Variants in STARD13 observed in about 807,000 individuals in gnomAD.
STARD13 encodes the protein stAR-related lipid transfer protein 13.
A neutral mutation model predicts 106.4 loss-of-function variants in STARD13; 62 were observed. The observed-to-expected ratio is 0.58, with a 90% confidence interval of 0.48 to 0.72. The LOEUF (loss-of-function observed/expected upper bound fraction) is 0.72. Among genes scored for constraint, STARD13 ranks in the 30% least tolerant of loss-of-function variants. The pLI is 0.00. For missense variants in STARD13, 1,387 were observed against 1,424.0 expected, an observed-to-expected ratio of 0.97 and a Z score of 0.42; for synonymous variants, 565 against 553.0, an observed-to-expected ratio of 1.02 and a Z score of -0.31.
chr13:33,665,418 A>G, the STARD13 span, among the ~76,000 whole-genome samples: 5 of 152,240 alleles, frequency 3.3e-5, no homozygotes, highest in African/African-American at 1.2e-4. Context: ...ATACACAGAT[A>G]TTTAATCTTG....
the STARD13 span, among the ~76,000 whole-genome samples, chr13:33,591,984 G>A: frequency 1.4e-3 from 215 of 152,068 alleles, 1 homozygote; most frequent in Non-Finnish European, 9.6e-4. Context: ...TTGTATGCCC[G>A]CAGCACTAAT....
intron 4 of STARD13, among the ~76,000 whole-genome samples, chr13:33,140,752 ACTTT>A (rs1325773260): frequency 6.7e-6 from 1 of 149,916 alleles, no homozygotes; most frequent in Non-Finnish European, 1.5e-5. Flanking sequence ...GGATAAAAAC[ACTTT>A]CTTTTCTTTC....
the STARD13 span, among the ~76,000 whole-genome samples, chr13:33,531,913 C>T: frequency 6.6e-6 from 1 of 152,086 alleles, no homozygotes; most frequent in South Asian, 2.1e-4. Flanking sequence ...ACTTAATAGT[C>T]TCAAAATAAC....
intron 1 of STARD13, among the ~76,000 whole-genome samples, chr13:33,326,984 T>G (rs2077783000): frequency 6.6e-6 from 1 of 152,244 alleles, no homozygotes; most frequent in Non-Finnish European, 1.5e-5. Context: ...CTATGAAAAC[T>G]GAGCATAATT....
intron 3 of STARD13, among the ~76,000 whole-genome samples, chr13:33,143,841 G>A (rs989050204): frequency 7.2e-5 from 11 of 152,136 alleles, no homozygotes; most frequent in East Asian, 3.9e-4. Context: ...GTGAGCCACC[G>A]CGCCCAGCTT....
the STARD13 span, among the ~76,000 whole-genome samples, chr13:33,443,801 T>C: frequency 7.9e-5 from 12 of 151,046 alleles, no homozygotes; most frequent in East Asian, 2.0e-3. Context: ...GGAGAATCAT[T>C]TGGACCCAGG....
In STARD13 at chr13:33,106,239, G is replaced by A. The variant is rs116416679; in HGVS notation, c.3224+519C>T. On this transcript the variant is annotated intron_variant, in intron 13 of 13. Coordinates refer to ENST00000336934, the MANE Select transcript of STARD13 (RefSeq NM_178006.4). ...GATTGAGACCAGCCTGGCCAACATG[G>A]CGAGGCCCTGTCTCTACAAAAACAT... Among the ~76,000 whole-genome samples the A allele has an allele frequency of 4.2e-3, 642 of 152,294 alleles. 2 individuals carry two copies. Among genetic ancestry groups the A allele is most frequent in the African/African-American group, 0.014 (575 of 41,556 alleles).
the STARD13 span, among the ~76,000 whole-genome samples, chr13:33,650,000 C>G: frequency 1.3e-5 from 2 of 151,922 alleles, no homozygotes; most frequent in Admixed American, 1.3e-4. Flanking sequence ...TTTCCTGGCT[C>G]ACAGGAATTA....
intron 1 of STARD13, among the ~76,000 whole-genome samples, chr13:33,225,303 T>A (rs1264285005): frequency 6.6e-6 from 1 of 152,214 alleles, no homozygotes; most frequent in Non-Finnish European, 1.5e-5. Flanking sequence ...TGCAGGGTCT[T>A]TGAGCCAGAC....
At chr13:33,120,140 G>A (rs569567090) in intron 7 of STARD13, among the ~76,000 whole-genome samples, 141 of 152,354 alleles carry the variant, frequency 9.3e-4, no homozygotes, top group African/African-American at 3.2e-3. Flanking sequence ...ATCCTCATAT[G>A]AGCAGGTATT....
the STARD13 span, among the ~76,000 whole-genome samples, chr13:33,466,556 A>G: frequency 6.6e-6 from 1 of 152,216 alleles, no homozygotes; most frequent in Non-Finnish European, 1.5e-5. Context: ...CTAGACAGTA[A>G]TTAGAAAGTA....
chr13:33,105,837 C>G (rs894057743), intron 13 of STARD13, 127 bp from the exon 14 acceptor site: 3 of 747,598 alleles, frequency 4.0e-6, no homozygotes, highest in Non-Finnish European at 7.2e-6. Context: ...CGGGCTGCTG[C>G]CTTGAGGGGC....
At chr13:33,400,963 C>T in the STARD13 span, among the ~76,000 whole-genome samples, 1 of 152,144 alleles carries the variant, frequency 6.6e-6, no homozygotes, top group Non-Finnish European at 1.5e-5. Flanking sequence ...TAACAGGGCT[C>T]CCACTGGCAA....
At chr13:33,542,422 G>C in the STARD13 span, among the ~76,000 whole-genome samples, 12 of 152,204 alleles carry the variant, frequency 7.9e-5, no homozygotes, top group Admixed American at 7.2e-4. Context: ...CCCAAACCCC[G>C]TGGGCGGGAT....
At chr13:33,119,587 A>T (rs1875949868) in intron 7 of STARD13, among the ~76,000 whole-genome samples, 1 of 152,256 alleles carries the variant, frequency 6.6e-6, no homozygotes, top group South Asian at 2.1e-4. Flanking sequence ...CCAAGCCATT[A>T]GAGCATACTC....
chr13:33,411,485 C>G, the STARD13 span, among the ~76,000 whole-genome samples: 94 of 152,124 alleles, frequency 6.2e-4, no homozygotes, highest in Non-Finnish European at 9.7e-4. Context: ...GTCATCCAGG[C>G]AGGCTGCTCT....
Position 33,343,604 on chromosome 13 carries a change from T to TAAAAAA in STARD13, c.124+6685_124+6686insTTTTTT, listed in dbSNP as rs1173728997. ...AAAAAAAAAAAAAAAAAAACAAATC[T>TAAAAAA]ACAAATCTAGTAGTCCCTCTCCCTA... On this transcript the variant is annotated intron_variant, in intron 1 of 5. Transcript: ENST00000567873. Among the ~76,000 whole-genome samples, 32 of 76,586 alleles carry TAAAAAA rather than the reference T, an allele frequency of 4.2e-4. 4 individuals carry two copies. The East Asian group carries it at 4.7e-3, about 11-fold the overall frequency. The allele number at this position is 76,586 out of a possible 152,430, so 50.2% of individuals were successfully genotyped here. A position where few individuals can be genotyped will look rare whatever the true frequency, so the allele number is the denominator to read the frequency against.
At chr13:33,395,332 T>C in the STARD13 span, among the ~76,000 whole-genome samples, 3 of 152,162 alleles carry the variant, frequency 2.0e-5, no homozygotes, top group South Asian at 2.1e-4. Context: ...GTCTGAAAAA[T>C]GTAGTCACCT....
At chr13:33,625,221 G>T in the STARD13 span, among the ~76,000 whole-genome samples, 1 of 152,182 alleles carries the variant, frequency 6.6e-6, no homozygotes, top group Admixed American at 6.5e-5. Context: ...AGAGGCAAGG[G>T]CAGAGGTAGA....
Sources: allele counts gnomAD v4.1 joint callset (sites outside exome capture counted in the v4.1 genomes callset), GRCh38; gene constraint gnomAD v4.1.1; transcripts MANE v1.5; gene names NCBI Gene and HGNC (gene_info 2026-07-23, HGNC 2026-07-21).